Variants in DCC observed in about 807,000 individuals in gnomAD.
The protein encoded by DCC is netrin receptor DCC.
DCC carries 58 observed loss-of-function variants against 172.5 expected under a neutral mutation model. The observed-to-expected ratio is 0.34, with a 90% CI of 0.27 to 0.42. The LOEUF (loss-of-function observed/expected upper bound fraction) is 0.42, where lower values mean the gene tolerates loss of function less well. DCC is among the 10% of genes least tolerant of loss of function. DCC has a pLI of 1.00. For missense variants in DCC, 1,740 were observed against 1,791.0 expected, an observed-to-expected ratio of 0.97 and a Z score of 0.51; for synonymous variants, 709 against 644.5, an observed-to-expected ratio of 1.10 and a Z score of -1.52.
intron 1 of DCC, among the ~76,000 whole-genome samples, chr18:52,460,248 G>A (rs910024504): frequency 6.6e-6 from 1 of 151,920 alleles, no homozygotes. Flanking sequence ...TCTGTAGTCA[G>A]GCTTTGCCCC....
intron 1 of DCC, among the ~76,000 whole-genome samples, chr18:52,476,059 G>A (rs1479507687): frequency 6.6e-6 from 1 of 152,140 alleles, no homozygotes; most frequent in Non-Finnish European, 1.5e-5. Context: ...CTGAAGCAAA[G>A]CTCCAGAGGT....
chr18:52,444,704 G>T (rs1988069158), intron 1 of DCC, among the ~76,000 whole-genome samples: 1 of 152,084 alleles, frequency 6.6e-6, no homozygotes, highest in African/African-American at 2.4e-5. Context: ...CTATTGTTTA[G>T]AAATCTAATT....
At chr18:52,379,504 C>T (rs1160910308) in intron 1 of DCC, among the ~76,000 whole-genome samples, 3 of 152,182 alleles carry the variant, frequency 2.0e-5, no homozygotes, top group Non-Finnish European at 4.4e-5. Flanking sequence ...CACTGCCATG[C>T]TTGTTATGAC....
intron 15 of DCC, among the ~76,000 whole-genome samples, chr18:53,385,400 G>A (rs11082987): frequency 0.27 from 41,452 of 152,138 alleles, 6,208 homozygotes; most frequent in East Asian, 0.5. Flanking sequence ...GATACAGACT[G>A]AAAACTATGG....
At chr18:52,642,846 T>C (rs2034936814) in intron 1 of DCC, among the ~76,000 whole-genome samples, 1 of 152,094 alleles carries the variant, frequency 6.6e-6, no homozygotes, top group Non-Finnish European at 1.5e-5. Flanking sequence ...CAATATTTTG[T>C]AGAGATGAGG....
At position 53,084,855 on chromosome 18, in the gene DCC, A is replaced by G. The variant is rs1198870008; in HGVS notation, c.1261+18689A>G. ...ATTTGAATTCAAGATTCTTCCACTA[A>G]TTTTGCATCTACATTCTGATCATTT... On this transcript the variant is annotated intron_variant, in intron 7 of 28. Coordinates refer to ENST00000442544, the MANE Select transcript of DCC (RefSeq NM_005215.4). Among the ~76,000 whole-genome samples, 3 of 152,346 alleles carry G rather than the reference A, an allele frequency of 2.0e-5. No individual in the cohort carries two copies. In the East Asian group the frequency reaches 5.8e-4, roughly 29 times the overall value.
intron 9 of DCC, among the ~76,000 whole-genome samples, chr18:53,194,855 C>G (rs1226696258): frequency 1.3e-5 from 2 of 152,170 alleles, no homozygotes; most frequent in Non-Finnish European, 2.9e-5. Flanking sequence ...TTCCATCTAC[C>G]CTTTGCATAC....
At chr18:53,355,423 AT>A (rs1308905482) in intron 15 of DCC, among the ~76,000 whole-genome samples, 6 of 152,112 alleles carry the variant, frequency 3.9e-5, no homozygotes, top group Non-Finnish European at 8.8e-5. Flanking sequence ...ACGTTCTTCC[AT>A]TTGTTTGTGT....
At chr18:52,504,579 G>A (rs1249451545) in intron 1 of DCC, among the ~76,000 whole-genome samples, 2 of 152,122 alleles carry the variant, frequency 1.3e-5, no homozygotes, top group African/African-American at 4.8e-5. Flanking sequence ...GGGATCCCTG[G>A]CCCCTGCCAG....
intron 1 of DCC, among the ~76,000 whole-genome samples, chr18:52,454,071 C>T (rs1988386839): frequency 6.6e-6 from 1 of 152,100 alleles, no homozygotes; most frequent in African/African-American, 2.4e-5. Flanking sequence ...TGTAACAATT[C>T]CCTTTCTATC....
At chr18:53,480,333 A>G (rs957848565) in intron 25 of DCC, among the ~76,000 whole-genome samples, 2 of 152,214 alleles carry the variant, frequency 1.3e-5, no homozygotes, top group African/African-American at 4.8e-5. Context: ...GAAAGCGTGT[A>G]TAAACCACAT....
At chr18:52,853,105 T>G (rs1449258640) in intron 2 of DCC, among the ~76,000 whole-genome samples, 7 of 152,116 alleles carry the variant, frequency 4.6e-5, no homozygotes, top group Non-Finnish European at 1.0e-4. Context: ...GATCAAATGT[T>G]AGGGTGGGAC....
chr18:53,099,296 G>T (rs922359814), intron 7 of DCC, among the ~76,000 whole-genome samples: 5 of 151,630 alleles, frequency 3.3e-5, no homozygotes, highest in African/African-American at 7.3e-5. Context: ...TTATTCAATG[G>T]GTTATTACCT....
intron 3 of DCC, among the ~76,000 whole-genome samples, chr18:52,906,659 A>G (rs1407447517): frequency 6.6e-6 from 1 of 152,060 alleles, no homozygotes; most frequent in East Asian, 1.9e-4. Flanking sequence ...TTCCTCTGAT[A>G]ACAGTCTAAG....
chr18:53,457,474 T>C (rs2045497506), intron 23 of DCC, among the ~76,000 whole-genome samples: 1 of 152,234 alleles, frequency 6.6e-6, no homozygotes, highest in Non-Finnish European at 1.5e-5. Context: ...ATTTGGGAAC[T>C]GGTACTTCTC....
chr18:53,425,664 C>T (rs1209742283), intron 21 of DCC, among the ~76,000 whole-genome samples: 4 of 151,992 alleles, frequency 2.6e-5, no homozygotes, highest in Non-Finnish European at 4.4e-5. Flanking sequence ...TCCTGGCCCC[C>T]TATTCCTTCT....
intron 13 of DCC, among the ~76,000 whole-genome samples, chr18:53,312,398 G>C (rs2057285696): frequency 6.8e-6 from 1 of 146,780 alleles, no homozygotes; most frequent in Non-Finnish European, 1.5e-5. Context: ...CATACAGCTA[G>C]AGGAGCTGAC....
At chr18:53,386,460 G>A (rs1460195362) in intron 16 of DCC, among the ~76,000 whole-genome samples, 1 of 152,116 alleles carries the variant, frequency 6.6e-6, no homozygotes, top group African/African-American at 2.4e-5. Flanking sequence ...CTGATACCAT[G>A]CTTCCATCTC....
chr18:52,973,122 A>T (rs564509504), intron 5 of DCC, among the ~76,000 whole-genome samples: 8 of 152,324 alleles, frequency 5.3e-5, no homozygotes, highest in Admixed American at 4.6e-4. Flanking sequence ...TGGATAAATG[A>T]GTGATTGAAT....
Sources: allele counts gnomAD v4.1 joint callset (sites outside exome capture counted in the v4.1 genomes callset), GRCh38; gene constraint gnomAD v4.1.1; transcripts MANE v1.5; gene names NCBI Gene and HGNC (gene_info 2026-07-23, HGNC 2026-07-21).